Variants in ZFYVE26 observed in about 807,000 individuals in gnomAD.
ZFYVE26 encodes zinc finger FYVE-type containing 26, also known as zinc finger FYVE domain-containing protein 26.
In ZFYVE26, 181 loss-of-function variants were observed where a neutral mutation model predicts 276.5. The ratio of observed to expected loss-of-function variants is 0.65; its 90% CI spans 0.58 to 0.74. ZFYVE26 has a LOEUF of 0.74. Among genes scored for constraint, ZFYVE26 ranks in the 30% least tolerant of loss-of-function variants. The pLI is 0.00. For synonymous variants in ZFYVE26, 1,129 were observed against 1,203.1 expected (o/e 0.94, Z 1.27); for missense variants, 2,821 against 3,097.9 (o/e 0.91, Z 2.12).
chr14:67,784,551 C>A (rs2039599079), intron 19 of ZFYVE26, 115 bp from the exon 20 acceptor site: 1 of 911,506 alleles, frequency 1.1e-6, no homozygotes, highest in Non-Finnish European at 1.8e-6. Flanking sequence ...ATATGGAGAG[C>A]CTTCTGTTAA....
chr14:67,815,426 A>G lies in ZFYVE26; in HGVS notation c.194+344T>C, dbSNP rs1171873908. ...AAGTAAAGCGACAACAATATTTTCA[A>G]TCTCATAAGCAAGAAGAGAGCAGGG... On this transcript the variant is annotated intron_variant, in intron 2 of 41. Transcript: ENST00000347230. 3 of 317,248 alleles carry G rather than the reference A, an allele frequency of 9.5e-6. No individual in the cohort carries two copies. The Admixed American group carries it at 1.3e-4, about 13-fold the overall frequency. 19.7% of individuals were successfully genotyped at this position (317,248 alleles called of 1,614,324 possible).
Position 67,793,757 on chromosome 14 carries a change from C to A in ZFYVE26, c.2404G>T (p.Gly802Ter), listed in dbSNP as rs371660600. ...CGGCCAGACATGGCACTCAGACTTC[C>A]CTCTGTTGGGACACAAGAATGTGTG... ...SSELSTSTSE[G>*]SLSAMSGRNE... Residue 802 changes from glycine (G) to a stop codon, truncating the protein, a stop_gained and splice_region_variant, in exon 14 of 42, where the codon GGA becomes TGA. Transcript: ENST00000347230. LOFTEE classifies it high-confidence loss of function. 2 of 1,613,818 alleles carry A rather than the reference C, an allele frequency of 1.2e-6. No homozygotes were observed. The highest frequency in any genetic ancestry group is 1.7e-6 in the Non-Finnish European group (2 of 1,179,958).
intron 10 of ZFYVE26, chr14:67,798,907 G>A (rs1277943183): frequency 2.1e-6 from 2 of 962,464 alleles, no homozygotes; most frequent in African/African-American, 3.2e-5. Flanking sequence ...CGCCCCCGGG[G>A]AGGGCGCTGA....
chr14:67,776,204 A>AAAAGGTGCAT, intron 25 of ZFYVE26, 98 bp from the exon 26 acceptor site: 2 of 1,547,716 alleles, frequency 1.3e-6, no homozygotes, highest in Non-Finnish European at 1.8e-6. Flanking sequence ...GCATGAGAAC[A>AAAAGGTGCAT]AAAGGTGCAT....
chr14:67,733,877 C>A, intron 13 of ZFYVE26: 1 of 1,514,246 alleles, frequency 6.6e-7, no homozygotes, highest in Non-Finnish European at 9.2e-7. Context: ...CTTTATCAGG[C>A]CCAATCCATG....
rs1276837150 is a variant in ZFYVE26 at position 67,777,489 on chromosome 14, CCCAACACCT to C, written c.4974+61_4974+69del. 3 of 1,610,924 alleles carry C rather than the reference CCCAACACCT, an allele frequency of 1.9e-6. No individual in the cohort carries two copies. In the African/African-American group the frequency reaches 4.0e-5, roughly 22 times the overall value. On this transcript the variant is annotated intron_variant, in intron 25 of 41. Coordinates refer to ENST00000347230, the MANE Select transcript of ZFYVE26 (RefSeq NM_015346.4). ...GCAGTCTCTCCCTCAGGTATGCCTT[CCCAACACCT>C]CCTTTTCCTCCTTACCTTGGATCCC...
chr14:67,806,637 C>T lies in ZFYVE26; in HGVS notation c.925G>A (p.Ala309Thr). The change falls in exon 6 of 42, where the codon GCC becomes ACC. Residue 309 changes from alanine (A) to threonine (T), a missense_variant. Ala to Thr is a moderately conservative substitution (Grantham distance 58). Coordinates refer to ENST00000347230, the MANE Select transcript of ZFYVE26 (RefSeq NM_015346.4). ...DHLDPERAML[A>T]LFSNPNPAEA... ...GCTGGGTTGGGATTGGAGAACAGGG[C>T]TAGCATTGCCCGCTCAGGATCTAGA... The T allele has an allele frequency of 6.2e-7, 1 of 1,614,182 alleles. No individual in the cohort carries two copies. Among genetic ancestry groups the T allele is most frequent in the Non-Finnish European group, 8.5e-7 (1 of 1,180,018 alleles).
intron 3 of ZFYVE26, among the ~76,000 whole-genome samples, chr14:67,812,166 T>G (rs2040316152): frequency 6.6e-6 from 1 of 152,160 alleles, no homozygotes; most frequent in Non-Finnish European, 1.5e-5. Flanking sequence ...CAAATACTTT[T>G]GAATAGTGGT....
At chr14:67,773,515 C>T (rs2039263851) in intron 27 of ZFYVE26, among the ~76,000 whole-genome samples, 1 of 145,266 alleles carries the variant, frequency 6.9e-6, no homozygotes, top group Non-Finnish European at 1.5e-5. Context: ...GCCTGGGCAA[C>T]AGAGTGAGAT....
intron 15 of ZFYVE26, among the ~76,000 whole-genome samples, 154 bp downstream of exon 15, chr14:67,790,418 A>ACT (rs2140233651): frequency 6.6e-6 from 1 of 152,266 alleles, no homozygotes; most frequent in East Asian, 1.9e-4. Context: ...CAGCTGGAAA[A>ACT]CTGGACGTAT....
chr14:67,781,259 A>G, intron 22 of ZFYVE26, 74 bp downstream of exon 22: 1 of 1,545,446 alleles, frequency 6.5e-7, no homozygotes, highest in Non-Finnish European at 8.9e-7. Context: ...AAAGTCCCCC[A>G]TCATATAAGA....
chr14:67,772,521 A>G (rs1037381655), intron 27 of ZFYVE26, among the ~76,000 whole-genome samples: 48 of 152,246 alleles, frequency 3.2e-4, no homozygotes, highest in Non-Finnish European at 1.5e-4. Context: ...TGCCACAGGA[A>G]GGCAGTCAGC....
At chr14:67,738,404 A>T (rs1038863954) in intron 13 of ZFYVE26, among the ~76,000 whole-genome samples, 1 of 148,506 alleles carries the variant, frequency 6.7e-6, no homozygotes, top group Non-Finnish European at 1.5e-5. Flanking sequence ...TTATAGAAAT[A>T]TACTTATATA....
In ZFYVE26 at chr14:67,807,621, G is replaced by T. The variant is rs1405025996; in HGVS notation, c.663C>A (p.Ala221=). The T allele has an allele frequency of 6.2e-7, 1 of 1,614,200 alleles. No individual in the cohort carries two copies. The highest frequency in any genetic ancestry group is 1.1e-5 in the South Asian group (1 of 91,080). ...PPGVVDAIYG[A]LRTLRCPAEP... ...CTGCGGGGCAACGCAGAGTCCGCAGGGCTCCATAGATGGCATCGACTACCC... is the reference window on the plus strand; with the variant it reads ...CTGCGGGGCAACGCAGAGTCCGCAGTGCTCCATAGATGGCATCGACTACCC... Residue 221 remains alanine (A), a synonymous_variant, in exon 5 of 42, where the codon GCC becomes GCA. Coordinates refer to ENST00000347230, the MANE Select transcript of ZFYVE26 (RefSeq NM_015346.4).
At chr14:67,765,983 A>T (rs562603529) in intron 32 of ZFYVE26, among the ~76,000 whole-genome samples, 2 of 152,216 alleles carry the variant, frequency 1.3e-5, no homozygotes, top group Non-Finnish European at 2.9e-5. Flanking sequence ...TGACTGGTAT[A>T]GCTAGAGTAA....
intron 13 of ZFYVE26, chr14:67,729,857 C>T (rs768582644): frequency 2.2e-6 from 1 of 456,836 alleles, no homozygotes; most frequent in Non-Finnish European, 4.4e-6. Context: ...AGTGCTGAAT[C>T]TTATCATGAA....
At chr14:67,784,916 T>C (rs1279184326) in intron 19 of ZFYVE26, 143 bp downstream of exon 19, 2 of 865,678 alleles carry the variant, frequency 2.3e-6, no homozygotes, top group Non-Finnish European at 3.8e-6. Context: ...TAGCCAGAGA[T>C]GAATAAGAGA....
rs368426886 is a variant in ZFYVE26 at position 67,740,527 on chromosome 14, C to T, written n.2679+10525G>A. ...GATTTTTGTAAAATAAAACAATTCA[C>T]AATTCTGAAGTTCATTGTCCATTTA... On this transcript the variant is annotated intron_variant and non_coding_transcript_variant, in intron 13 of 14. Transcript: ENST00000394455. 3.9e-5 allele frequency among the ~76,000 whole-genome samples: 6 copies of T among 152,194 alleles called. No homozygotes were observed. The East Asian group carries it at 5.8e-4, about 15-fold the overall frequency.
At chr14:67,752,586 G>A in intron 39 of ZFYVE26, 60 bp from the exon 40 acceptor site, 3 of 1,578,282 alleles carry the variant, frequency 1.9e-6, no homozygotes, top group South Asian at 1.1e-5. Flanking sequence ...TGGGGAGGGA[G>A]GCAGCATTTA....
Sources: allele counts gnomAD v4.1 joint callset (sites outside exome capture counted in the v4.1 genomes callset), GRCh38; gene constraint gnomAD v4.1.1; transcripts MANE v1.5; gene names NCBI Gene and HGNC (gene_info 2026-07-23, HGNC 2026-07-21).